Variants in MERTK observed in about 807,000 individuals in gnomAD.
The protein encoded by MERTK is tyrosine-protein kinase Mer.
Under a neutral mutation model 99.3 loss-of-function variants are expected in MERTK, and 69 were observed. The ratio of observed to expected loss-of-function variants is 0.70; its 90% confidence interval spans 0.57 to 0.85. The LOEUF (loss-of-function observed/expected upper bound fraction) is 0.85, where lower values mean the gene tolerates loss of function less well. MERTK is among the 40% of genes least tolerant of loss of function. The pLI is 0.00. For missense variants in MERTK, 1,125 were observed against 1,249.4 expected (o/e 0.90, Z 1.50); for synonymous variants, 426 against 467.6 (o/e 0.91, Z 1.15).
intron 7 of MERTK, among the ~76,000 whole-genome samples, chr2:111,981,050 G>A (rs188477941): frequency 3.3e-4 from 51 of 152,254 alleles, no homozygotes; most frequent in South Asian, 2.1e-3. Flanking sequence ...GAAAGTGTGC[G>A]ACTGATTTCA....
chr2:111,944,509 A>T, intron 2 of MERTK, among the ~76,000 whole-genome samples: 2 of 152,310 alleles, frequency 1.3e-5, no homozygotes, highest in African/African-American at 2.4e-5. Context: ...ATTCCTTAAA[A>T]TAATTCCTCT....
chr2:112,008,599 A>G, intron 14 of MERTK, 124 bp downstream of exon 14: 1 of 802,938 alleles, frequency 1.2e-6, no homozygotes, highest in East Asian at 2.4e-5. Flanking sequence ...AACTTATAAC[A>G]TTGAGGTTTT....
chr2:111,946,155 T>C (rs1002081009), intron 3 of MERTK, among the ~76,000 whole-genome samples: 14 of 152,124 alleles, frequency 9.2e-5, no homozygotes, highest in African/African-American at 1.2e-4. Context: ...TCATGACCTT[T>C]GCTCTAGGCC....
At position 111,947,576 on chromosome 2, in the gene MERTK, G is replaced by C. The variant is rs375176222; in HGVS notation, c.757+9G>C. The C allele has an allele frequency of 6.2e-7, 1 of 1,613,836 alleles. No individual in the cohort carries two copies. Among genetic ancestry groups the C allele is most frequent in the Admixed American group, 1.7e-5 (1 of 60,020 alleles). On this transcript the variant is annotated intron_variant, in intron 4 of 18. Transcript: ENST00000295408. The stretch of plus-strand genomic sequence containing the variant: ...CGTGCTAACTGTTCCAGGTAAGTCC[G>C]AGCTGTGGGCTTATTGATTTATTCT...
rs867826641 is a variant in MERTK at position 111,964,598 on chromosome 2, T to C, written c.758-593T>C. On this transcript the variant is annotated intron_variant, in intron 4 of 18. Transcript: ENST00000295408. ...TCCTATTTAAAATTAATAAATCAAT[T>C]TTTTAAAGATGTCTTCAAACCTCTG... Among the ~76,000 whole-genome samples the C allele has an allele frequency of 6.6e-5, 10 of 152,236 alleles. No individual in the cohort carries two copies. In the South Asian group the frequency reaches 2.1e-3, roughly 31 times the overall value.
intron 7 of MERTK, among the ~76,000 whole-genome samples, chr2:111,976,522 CTG>C (rs70962971): frequency 0.17 from 23,048 of 136,372 alleles, 1,978 homozygotes; most frequent in East Asian, 0.24. Flanking sequence ...TGACAAAAAC[CTG>C]TGTGTGTGTG....
intron 18 of MERTK, among the ~76,000 whole-genome samples, chr2:112,022,736 T>A (rs1454220084): frequency 6.6e-6 from 1 of 152,330 alleles, no homozygotes; most frequent in East Asian, 1.9e-4. Flanking sequence ...TTGTAGTGCA[T>A]GAGGTCCTTG....
intron 13 of MERTK, 138 bp downstream of exon 13, chr2:112,004,122 C>G: frequency 1.4e-6 from 1 of 738,768 alleles, no homozygotes; most frequent in South Asian, 1.5e-5. Context: ...CCAAGGGGGA[C>G]TTACTTTAAT....
At chr2:111,921,606 G>A (rs1684460626) in intron 1 of MERTK, among the ~76,000 whole-genome samples, 1 of 152,170 alleles carries the variant, frequency 6.6e-6, no homozygotes, top group Admixed American at 6.5e-5. Flanking sequence ...GACTGGTGAG[G>A]AAACAGCATA....
chr2:112,019,871 G>T (rs953769138), intron 16 of MERTK, among the ~76,000 whole-genome samples: 1 of 152,156 alleles, frequency 6.6e-6, no homozygotes, highest in Non-Finnish European at 1.5e-5. Flanking sequence ...AGACAGCAGT[G>T]AAAATCATAA....
At position 112,022,374 on chromosome 2, in the gene MERTK, C is replaced by T. The variant is rs769409793; in HGVS notation, c.2466C>T (p.Pro822=). Residue 822 remains proline, a synonymous_variant, in exon 18 of 19, where the codon CCC becomes CCT. Transcript: ENST00000295408. ...TCCATGGCCACAGGTTGAAGCAGCC[C>T]GAAGACTGCCTGGATGAACTGTGAG... ...YLLHGHRLKQ[P]EDCLDELYEI... The T allele has an allele frequency of 4.3e-5, 70 of 1,614,096 alleles. No individual in the cohort carries two copies. The South Asian group carries it at 6.3e-4, about 14-fold the overall frequency.
chr2:111,921,618 C>T (rs1446056981), intron 1 of MERTK, among the ~76,000 whole-genome samples: 1 of 152,140 alleles, frequency 6.6e-6, no homozygotes, highest in Admixed American at 6.5e-5. Flanking sequence ...AACAGCATAC[C>T]TCTGGAATAA....
Position 111,900,819 on chromosome 2 carries a change from G to A in MERTK, c.61+2023G>A, listed in dbSNP as rs535556051. On this transcript the variant is annotated intron_variant, in intron 1 of 18. Transcript: ENST00000295408. The stretch of plus-strand genomic sequence containing the variant: ...TGGCAGAATTACAGCACAAAGGAGT[G>A]CTGTATGAAGAAATTAAACATGGAA... Among the ~76,000 whole-genome samples, 5 of 152,264 alleles carry A rather than the reference G, an allele frequency of 3.3e-5. No homozygotes were observed. The East Asian group carries it at 7.7e-4, about 24-fold the overall frequency.
intron 3 of MERTK, among the ~76,000 whole-genome samples, chr2:111,945,589 C>G (rs1394070045): frequency 6.6e-6 from 1 of 152,180 alleles, no homozygotes; most frequent in Non-Finnish European, 1.5e-5. Flanking sequence ...CAGAGAAATT[C>G]CATGACATCA....
intron 17 of MERTK, 78 bp from the exon 18 acceptor site, chr2:112,022,180 T>C: frequency 1.3e-6 from 2 of 1,590,898 alleles, no homozygotes; most frequent in Non-Finnish European, 1.7e-6. Flanking sequence ...TTTAAGGAAA[T>C]GACCTTTCCC....
At chr2:111,935,638 CGTGTGTGTGTGTGTGTGT>C (rs55986780) in intron 2 of MERTK, among the ~76,000 whole-genome samples, 59 of 139,928 alleles carry the variant, frequency 4.2e-4, no homozygotes, top group African/African-American at 9.2e-4. Context: ...GGTCTTGGCT[CGTGTGTGTGTGTGTGTGT>C]GTGTGTGTGT....
intron 11 of MERTK, among the ~76,000 whole-genome samples, 196 bp downstream of exon 11, chr2:112,001,482 A>G (rs1020379559): frequency 1.3e-5 from 2 of 152,230 alleles, no homozygotes; most frequent in African/African-American, 4.8e-5. Context: ...ATTTACTGCA[A>G]TCAGGAGCTT....
intron 1 of MERTK, among the ~76,000 whole-genome samples, chr2:111,903,503 T>G (rs185095418): frequency 2.0e-5 from 3 of 152,388 alleles, no homozygotes; most frequent in Admixed American, 2.0e-4. Context: ...ATTTTTCATG[T>G]TAAACACAGT....
At chr2:111,915,155 A>G (rs917195169) in intron 1 of MERTK, among the ~76,000 whole-genome samples, 13 of 152,174 alleles carry the variant, frequency 8.5e-5, no homozygotes, top group African/African-American at 3.1e-4. Context: ...CACTTCCTCT[A>G]TGCTACCAAA....
Sources: gnomAD v4.1 joint callset for allele counts (sites outside exome capture counted in the v4.1 genomes callset) on GRCh38, gnomAD v4.1.1 for gene constraint, MANE v1.5 for transcripts, NCBI Gene and HGNC (gene_info 2026-07-23, HGNC 2026-07-21) for gene names.